DIP2A: variants seen among roughly 807,000 people sequenced by gnomAD.
The protein encoded by DIP2A is disco-interacting protein 2 homolog A.
A neutral mutation model predicts 177.4 loss-of-function variants in DIP2A; 85 were observed. The observed-to-expected ratio is 0.48, with a 90% confidence interval of 0.40 to 0.57. DIP2A has a LOEUF of 0.57. Ranked by LOEUF, DIP2A falls within the 20% of genes least tolerant of loss-of-function variation. The pLI is 0.00. For synonymous variants in DIP2A, 886 were observed against 881.8 expected (o/e 1.00, Z -0.08); for missense variants, 1,791 against 2,100.2 (o/e 0.85, Z 2.88).
At chr21:46,484,715 A>G in intron 1 of DIP2A, 42 bp from the exon 2 acceptor site, 2 of 1,503,504 alleles carry the variant, frequency 1.3e-6, no homozygotes, top group African/African-American at 1.4e-5. Flanking sequence ...AAATTTTGGA[A>G]TTGTAGAAGA....
intron 8 of DIP2A, among the ~76,000 whole-genome samples, chr21:46,514,617 CTTTTT>C (rs752628688): frequency 1.1e-4 from 8 of 70,520 alleles, no homozygotes; most frequent in Non-Finnish European, 1.5e-4. Context: ...AACTTTTATT[CTTTTT>C]TTTTTTTTTT....
Position 46,547,219 on chromosome 21 carries a change from A to G in DIP2A, c.2522+177A>G, listed in dbSNP as rs139885903. 418 of 1,402,782 alleles carry G rather than the reference A, an allele frequency of 3.0e-4. 4 individuals are homozygous for G. Among genetic ancestry groups the G allele is most frequent in the Middle Eastern group, 1.8e-3 (8 of 4,554 alleles). 86.9% of individuals were successfully genotyped at this position (1,402,782 alleles called of 1,614,324 possible). A position where few individuals can be genotyped will look rare whatever the true frequency, so the allele number is the denominator to read the frequency against. The stretch of plus-strand genomic sequence containing the variant: ...ATTTGCAGCAATGATACCAGAGTTA[A>G]TATCCTTACTGTCCAAAGAGTTCCT... On this transcript the variant is annotated intron_variant, in intron 21 of 37. Coordinates refer to ENST00000417564, the MANE Select transcript of DIP2A (RefSeq NM_015151.4).
chr21:46,527,753 G>C (rs1363607584), intron 8 of DIP2A, among the ~76,000 whole-genome samples: 1 of 152,056 alleles, frequency 6.6e-6, no homozygotes, highest in Non-Finnish European at 1.5e-5. Flanking sequence ...TACTCAACCT[G>C]CTTGCGTTGT....
chr21:46,516,488 C>CTTTTTTTT lies in DIP2A; in HGVS notation c.1102+4888_1102+4895dup, dbSNP rs1158910021. Among the ~76,000 whole-genome samples, 26 of 76,366 alleles carry CTTTTTTTT rather than the reference C, an allele frequency of 3.4e-4. 2 individuals carry two copies. Among genetic ancestry groups the CTTTTTTTT allele is most frequent in the Non-Finnish European group, 4.6e-4 (17 of 36,608 alleles). The allele number at this position is 76,366 out of a possible 152,430, so 50.1% of individuals were successfully genotyped here. On this transcript the variant is annotated intron_variant, in intron 8 of 37. Coordinates refer to ENST00000417564, the MANE Select transcript of DIP2A (RefSeq NM_015151.4). The stretch of plus-strand genomic sequence containing the variant: ...TCTTTAATCTTGTCTTCTGAAATTT[C>CTTTTTTTT]TTTTTTTTTTTTTTTTTTTTTGAGA...
At chr21:46,534,251 A>G (rs536988757) in intron 12 of DIP2A, 138 bp downstream of exon 12, 3 of 692,316 alleles carry the variant, frequency 4.3e-6, no homozygotes, top group Non-Finnish European at 7.4e-6. Flanking sequence ...TGCCCTGGAA[A>G]TACAGAGTGT....
At position 46,564,644 on chromosome 21, in the gene DIP2A, A is replaced by G. The variant is rs2060777441; in HGVS notation, c.4164+712A>G. Among the ~76,000 whole-genome samples the G allele has an allele frequency of 2.0e-5, 3 of 152,222 alleles. No individual in the cohort carries two copies. In the South Asian group the frequency reaches 6.2e-4, roughly 32 times the overall value. On this transcript the variant is annotated intron_variant, in intron 35 of 37. Coordinates refer to ENST00000417564, the MANE Select transcript of DIP2A (RefSeq NM_015151.4). The stretch of plus-strand genomic sequence containing the variant: ...ATGTGCTGTCAAATTGATGTCTTCA[A>G]ACCAGGCGGGCACAGGCATCATTTG...
At chr21:46,532,316 A>G in intron 10 of DIP2A, 79 bp downstream of exon 10, 1 of 1,172,832 alleles carries the variant, frequency 8.5e-7, no homozygotes, top group Non-Finnish European at 1.2e-6. Context: ...CTTTTCACTC[A>G]TGTGGGCAGG....
chr21:46,467,035 G>C (rs1186408342), intron 1 of DIP2A, among the ~76,000 whole-genome samples: 1 of 151,970 alleles, frequency 6.6e-6, no homozygotes, highest in Non-Finnish European at 1.5e-5. Flanking sequence ...GGTGGCTCAC[G>C]CCTGTAATCC....
intron 1 of DIP2A, among the ~76,000 whole-genome samples, chr21:46,482,118 AT>A (rs2056381891): frequency 6.6e-6 from 1 of 152,230 alleles, no homozygotes; most frequent in African/African-American, 2.4e-5. Context: ...AATAAATTTG[AT>A]AAACCTCTAA....
At chr21:46,488,908 A>G (rs967223496) in intron 2 of DIP2A, among the ~76,000 whole-genome samples, 12 of 152,246 alleles carry the variant, frequency 7.9e-5, no homozygotes, top group African/African-American at 2.9e-4. Context: ...TACAAGTGTA[A>G]GGAAGTCCGT....
chr21:46,523,053 G>A (rs2058897862), intron 8 of DIP2A, among the ~76,000 whole-genome samples: 1 of 151,972 alleles, frequency 6.6e-6, no homozygotes, highest in Admixed American at 6.6e-5. Flanking sequence ...AGCCTCCCGA[G>A]TAGCTGGGAT....
rs1266115955 is a variant in DIP2A at position 46,550,666 on chromosome 21, A to G, written c.2761A>G (p.Thr921Ala). 3.7e-6 allele frequency: 6 copies of G among 1,613,936 alleles called. No homozygotes were observed. The South Asian group carries it at 6.6e-5, about 18-fold the overall frequency. ...SETKQRFLEG[T>A]LHPCNVLMCP... is the part of the protein sequence containing the mutation. Reference sequence around the variant, plus strand: ...AACCAAACAGCGCTTTCTGGAAGGGACGCTGCACCCGTGTAATGTGCTGAT... The same window carrying G: ...AACCAAACAGCGCTTTCTGGAAGGGGCGCTGCACCCGTGTAATGTGCTGAT... The change falls in exon 23 of 38, where the codon ACG becomes GCG. Residue 921 changes from threonine to alanine, a missense_variant. By Grantham distance (58) the Thr-to-Ala change is moderately conservative (BLOSUM62 0). Coordinates refer to ENST00000417564, the MANE Select transcript of DIP2A (RefSeq NM_015151.4).
At chr21:46,478,807 T>C (rs2056126507) in intron 1 of DIP2A, among the ~76,000 whole-genome samples, 1 of 152,196 alleles carries the variant, frequency 6.6e-6, no homozygotes, top group South Asian at 2.1e-4. Context: ...TGATTATGGT[T>C]ATTCTAAAGT....
intron 5 of DIP2A, among the ~76,000 whole-genome samples, chr21:46,500,790 T>G (rs990338119): frequency 1.3e-5 from 2 of 152,252 alleles, no homozygotes; most frequent in Non-Finnish European, 2.9e-5. Context: ...TAATGTGTGT[T>G]TGAATTAGAT....
chr21:46,546,782 G>A (rs1371599637), intron 20 of DIP2A, 133 bp from the exon 21 acceptor site: 7 of 966,074 alleles, frequency 7.2e-6, no homozygotes, highest in East Asian at 5.3e-5. Flanking sequence ...TGGGTCTGTG[G>A]GGCATTGACC....
At chr21:46,512,407 A>G (rs2058353211) in intron 8 of DIP2A, among the ~76,000 whole-genome samples, 1 of 152,222 alleles carries the variant, frequency 6.6e-6, no homozygotes, top group African/African-American at 2.4e-5. Context: ...TCACTCCCAC[A>G]GGCAGTGAGT....
rs113281173 is a variant in DIP2A, at chr21:46,566,941, A to G, written c.4463+258A>G. On this transcript the variant is annotated intron_variant, in intron 37 of 37. Transcript: ENST00000417564. The stretch of plus-strand genomic sequence containing the variant: ...TCTGCAAAACATGGTGCCAGAGCAC[A>G]CCTCACTGCCTGTGTTTGGGTTTGG... Among the ~76,000 whole-genome samples the G allele has an allele frequency of 1.5e-3, 225 of 152,318 alleles. 3 individuals are homozygous for G. The highest frequency in any genetic ancestry group is 2.1e-3 in the Non-Finnish European group (141 of 68,016).
chr21:46,519,484 A>G (rs1476148985), intron 8 of DIP2A, among the ~76,000 whole-genome samples: 1 of 152,216 alleles, frequency 6.6e-6, no homozygotes, highest in Non-Finnish European at 1.5e-5. Flanking sequence ...ACAAAGATTC[A>G]TCTTCTATAA....
chr21:46,505,868 A>G (rs190364484), intron 6 of DIP2A, among the ~76,000 whole-genome samples: 54 of 152,286 alleles, frequency 3.5e-4, no homozygotes, highest in African/African-American at 1.2e-3. Context: ...CTCCATAATT[A>G]TTTTGAGATT....
Sources: gnomAD v4.1 joint callset for allele counts (sites outside exome capture counted in the v4.1 genomes callset) on GRCh38, gnomAD v4.1.1 for gene constraint, MANE v1.5 for transcripts, NCBI Gene and HGNC (gene_info 2026-07-23, HGNC 2026-07-21) for gene names.